The following GOLGB1 variants were observed in gnomAD, a reference collection of about 807,000 sequenced individuals.
GOLGB1 encodes golgin subfamily B member 1.
GOLGB1 carries 174 observed loss-of-function variants against 336.9 expected under a neutral mutation model. The ratio of observed to expected loss-of-function variants is 0.52; its 90% confidence interval spans 0.46 to 0.59. The LOEUF (loss-of-function observed/expected upper bound fraction) is 0.59. GOLGB1 is among the 20% of genes least tolerant of loss of function. The pLI is 0.00. For missense variants in GOLGB1, 3,331 were observed against 3,645.3 expected, an observed-to-expected ratio of 0.91 and a Z score of 2.22; for synonymous variants, 1,208 against 1,289.2, an observed-to-expected ratio of 0.94 and a Z score of 1.35.
intron 17 of GOLGB1, among the ~76,000 whole-genome samples, chr3:121,672,319 A>G (rs1284275537): frequency 6.6e-6 from 1 of 152,184 alleles, no homozygotes; most frequent in South Asian, 2.1e-4. Flanking sequence ...GATAAAAGCT[A>G]TTTCAGCAAA....
chr3:121,684,614 C>T (rs568437833), intron 14 of GOLGB1, among the ~76,000 whole-genome samples: 1 of 152,138 alleles, frequency 6.6e-6, no homozygotes, highest in Non-Finnish European at 1.5e-5. Flanking sequence ...ACTTGTGAAC[C>T]ACATATAAGC....
Position 121,690,822 on chromosome 3 carries a change from T to G in GOLGB1, c.8542A>C (p.Asn2848His). The change falls in exon 14 of 22, where the codon AAT (asparagine) becomes CAT (histidine). Residue 2848 changes from asparagine (N) to histidine (H), a missense_variant. Coordinates refer to ENST00000614479, the MANE Select transcript of GOLGB1 (RefSeq NM_001366282.2). ...SFSKAMASLQNERDHLWNELE... is the reference protein window; with the variant it reads ...SFSKAMASLQHERDHLWNELE... ...TCATTCCACAGGTGATCTCTCTCAT[T>G]CTGCAGACTGGCCATAGCCTTGGAA... 4 of 1,610,498 alleles carry G rather than the reference T, an allele frequency of 2.5e-6. No homozygotes were observed. Among genetic ancestry groups the G allele is most frequent in the Non-Finnish European group, 3.4e-6 (4 of 1,178,404 alleles).
At chr3:121,715,808 C>T (rs530600759) in intron 9 of GOLGB1, among the ~76,000 whole-genome samples, 4 of 152,152 alleles carry the variant, frequency 2.6e-5, no homozygotes, top group Admixed American at 2.6e-4. Flanking sequence ...GCCTGACCAA[C>T]ACGGAGAAGC....
At position 121,747,150 on chromosome 3, in the gene GOLGB1, TTATATATATATATATATATATA is replaced by T. The variant is rs548032779; in HGVS notation, c.-3+2460_-3+2481del. 6.8e-3 allele frequency among the ~76,000 whole-genome samples: 337 copies of T among 49,588 alleles called. 7 individuals are homozygous for T. The highest frequency in any genetic ancestry group is 0.019 in the Middle Eastern group (1 of 52). 32.5% of individuals were successfully genotyped at this position (49,588 alleles called of 152,430 possible). Reference sequence around the variant, plus strand: ...GCCCTAAGATATATATACATGGATGTTATATATATATATATATATATATATATATATATATATATATATGGAT... The same window carrying T: ...GCCCTAAGATATATATACATGGATGTTATATATATATATATATATATGGAT... On this transcript the variant is annotated intron_variant, in intron 1 of 21. Coordinates refer to ENST00000614479, the MANE Select transcript of GOLGB1 (RefSeq NM_001366282.2).
intron 17 of GOLGB1, among the ~76,000 whole-genome samples, chr3:121,672,986 G>A (rs13072618): frequency 0.22 from 33,435 of 151,798 alleles, 4,222 homozygotes; most frequent in Non-Finnish European, 0.29. Context: ...TTGGTGGTCT[G>A]TGTGTCTGTT....
chr3:121,716,004 A>C (rs1376889247), intron 9 of GOLGB1, among the ~76,000 whole-genome samples: 1 of 151,890 alleles, frequency 6.6e-6, no homozygotes. Flanking sequence ...AAAAAAAAAA[A>C]ACAAAAAACA....
chr3:121,744,139 T>C (rs1947078317), intron 1 of GOLGB1, among the ~76,000 whole-genome samples: 1 of 152,144 alleles, frequency 6.6e-6, no homozygotes, highest in South Asian at 2.1e-4. Context: ...ATAATGATAA[T>C]ATTAATGGCA....
At chr3:121,665,124 G>C (rs1938425196) in intron 20 of GOLGB1, 93 bp from the exon 21 acceptor site, 6 of 720,710 alleles carry the variant, frequency 8.3e-6, no homozygotes, top group South Asian at 8.1e-5. Flanking sequence ...ACACAATGCA[G>C]CACAGGAGGA....
chr3:121,691,527 T>C lies in GOLGB1; in HGVS notation c.7837A>G (p.Lys2613Glu), dbSNP rs888922761. 3 of 1,612,588 alleles carry C rather than the reference T, an allele frequency of 1.9e-6. No homozygotes were observed. The highest frequency in any genetic ancestry group is 2.5e-6 in the Non-Finnish European group (3 of 1,179,628). ...CTTGTTAGCTGGGATATAGATACTT[T>C]CAAACTCTCAATCTCTTTAGATAAA... ...QDLSKEIESL[K>E]VSISQLTRQV... Residue 2613 changes from lysine to glutamate, a missense_variant, in exon 14 of 22, where the codon AAA becomes GAA. Physicochemically the swap from Lys to Glu is moderately conservative, Grantham distance 56. Coordinates refer to ENST00000614479, the MANE Select transcript of GOLGB1 (RefSeq NM_001366282.2).
In GOLGB1 at chr3:121,691,218, CTCT is replaced by C. The variant is rs755664275; in HGVS notation, c.8143_8145del (p.Arg2715del). On this transcript the variant is annotated inframe_deletion, in exon 14 of 22. Coordinates refer to ENST00000614479, the MANE Select transcript of GOLGB1 (RefSeq NM_001366282.2). ...AATTTCTGTTCCATCTCCACCAAAT[CTCT>C]TGCTAGCTCTGCCACTCTCTCTTCT... 49 of 1,613,864 alleles carry C rather than the reference CTCT, an allele frequency of 3.0e-5. No homozygotes were observed. Among genetic ancestry groups the C allele is most frequent in the Non-Finnish European group, 3.6e-5 (43 of 1,180,010 alleles).
In GOLGB1 at chr3:121,718,432, C is replaced by G. The variant is rs1944935379; in HGVS notation, c.841G>C (p.Asp281His). 4 of 1,613,990 alleles carry G rather than the reference C, an allele frequency of 2.5e-6. No homozygotes were observed. The East Asian group carries it at 8.9e-5, about 36-fold the overall frequency. Residue 281 changes from aspartate (D) to histidine (H), a missense_variant, in exon 8 of 22, where the codon GAC becomes CAC. Physicochemically the swap from Asp to His is moderately conservative, Grantham distance 81. Transcript: ENST00000614479. ...ESLVGRAQVV[D>H]LLQQELTAAE... is the part of the protein sequence containing the mutation. ...GCAGTCAGCTCCTGTTGCAGCAAGT[C>G]AACGACCTGAGCACGGCCCACCAAG...
In GOLGB1 at chr3:121,690,921, G is replaced by A. The variant is rs1309268188; in HGVS notation, c.8443C>T (p.Leu2815Phe). The part of the protein sequence containing the change: ...LSHLEKLNQQ[L>F]LSKDEQLLHL... The stretch of plus-strand genomic sequence containing the variant: ...AGCAATTGCTCATCTTTGGATAGGA[G>A]CTGTTGGTTAAGTTTCTCAAGGTGA... The change falls in exon 14 of 22, where the codon CTC (leucine) becomes TTC (phenylalanine). Residue 2815 changes from leucine (L) to phenylalanine (F), a missense_variant. Coordinates refer to ENST00000614479, the MANE Select transcript of GOLGB1 (RefSeq NM_001366282.2). The A allele has an allele frequency of 1.9e-6, 3 of 1,614,046 alleles. No individual in the cohort carries two copies. The South Asian group carries it at 3.3e-5, about 18-fold the overall frequency.
chr3:121,687,187 G>T (rs1339082442), intron 14 of GOLGB1, among the ~76,000 whole-genome samples: 2 of 152,122 alleles, frequency 1.3e-5, no homozygotes, highest in Non-Finnish European at 2.9e-5. Flanking sequence ...GCTTGAACCT[G>T]GGAGGCGGAG....
intron 11 of GOLGB1, among the ~76,000 whole-genome samples, chr3:121,700,200 C>T (rs1227948983): frequency 1.3e-5 from 2 of 151,970 alleles, no homozygotes; most frequent in African/African-American, 4.8e-5. Flanking sequence ...ACTTCTAGGA[C>T]AATACATATA....
At chr3:121,729,609 G>T (rs2108282783) in intron 3 of GOLGB1, among the ~76,000 whole-genome samples, 1 of 151,996 alleles carries the variant, frequency 6.6e-6, no homozygotes, top group African/African-American at 2.4e-5. Flanking sequence ...TGGAGACAGG[G>T]TCTCACTATG....
In GOLGB1 at chr3:121,664,575, G is replaced by A; in HGVS notation, c.9700C>T (p.Leu3234Phe). ...GGCACTCGGGTCCGTGAATGACAGA[G>A]TGAACGCAGGACTCGCTTCCATCCA... ...GVGWKRVLRS[L>F]CHSRTRVPLL... The change falls in exon 22 of 22, where the codon CTC becomes TTC. Residue 3234 changes from leucine (L) to phenylalanine (F), a missense_variant. Transcript: ENST00000614479. The A allele has an allele frequency of 6.2e-7, 1 of 1,613,646 alleles. No individual in the cohort carries two copies. Among genetic ancestry groups the A allele is most frequent in the African/African-American group, 1.3e-5 (1 of 75,050 alleles).
chr3:121,727,545 T>C (rs183632818), intron 4 of GOLGB1, among the ~76,000 whole-genome samples: 3 of 151,730 alleles, frequency 2.0e-5, no homozygotes, highest in South Asian at 2.1e-4. Context: ...TAAACCTTAA[T>C]AGAAAACCCG....
At chr3:121,702,075 T>C (rs911500308) in intron 11 of GOLGB1, among the ~76,000 whole-genome samples, 1 of 152,052 alleles carries the variant, frequency 6.6e-6, no homozygotes, top group African/African-American at 2.4e-5. Flanking sequence ...CACAACATAG[T>C]TTCTACCTTT....
chr3:121,685,793 A>G (rs1393185195), intron 14 of GOLGB1, among the ~76,000 whole-genome samples: 2 of 152,190 alleles, frequency 1.3e-5, no homozygotes, highest in Admixed American at 1.3e-4. Flanking sequence ...TGCTACTCTT[A>G]GCTTTTCCCA....
Sources: gnomAD v4.1 joint callset for allele counts (sites outside exome capture counted in the v4.1 genomes callset) on GRCh38, gnomAD v4.1.1 for gene constraint, MANE v1.5 for transcripts, NCBI Gene and HGNC (gene_info 2026-07-23, HGNC 2026-07-21) for gene names.